The following PKD2 variants were observed in gnomAD, a reference collection of about 807,000 sequenced individuals.
The protein encoded by PKD2 is polycystin-2.
PKD2 carries 48 observed loss-of-function variants against 105.9 expected under a neutral mutation model. The ratio of observed to expected loss-of-function variants is 0.45; its 90% CI spans 0.36 to 0.58. The LOEUF is 0.58. Ranked by LOEUF, PKD2 falls within the 20% of genes least tolerant of loss-of-function variation. The pLI is 0.00. For missense variants in PKD2, 1,078 were observed against 1,255.3 expected (o/e 0.86, Z 2.13); for synonymous variants, 464 against 481.1 (o/e 0.96, Z 0.46).
intron 13 of PKD2, among the ~76,000 whole-genome samples, chr4:88,073,418 C>T (rs1438325308): frequency 4.0e-5 from 6 of 151,668 alleles, no homozygotes; most frequent in Non-Finnish European, 8.8e-5. Flanking sequence ...CCCAGCTACT[C>T]GGGAGGCTGA....
At chr4:88,070,623 G>GAGAGAA (rs1355205736) in intron 13 of PKD2, among the ~76,000 whole-genome samples, 4 of 146,108 alleles carry the variant, frequency 2.7e-5, no homozygotes, top group Non-Finnish European at 6.0e-5. Context: ...GAGAGAGAGA[G>GAGAGAA]AGAGAAAGAG....
intron 6 of PKD2, among the ~76,000 whole-genome samples, chr4:88,051,745 C>A (rs1578138971): frequency 6.6e-6 from 1 of 152,196 alleles, no homozygotes; most frequent in South Asian, 2.1e-4. Context: ...CACACACATG[C>A]ATGCATGCCT....
intron 13 of PKD2, among the ~76,000 whole-genome samples, chr4:88,068,637 A>C (rs1462764635): frequency 6.6e-6 from 1 of 152,168 alleles, no homozygotes; most frequent in Non-Finnish European, 1.5e-5. Context: ...TGTGTTTATC[A>C]ATGTTTCTAT....
At chr4:88,043,536 C>G (rs1727658442) in intron 5 of PKD2, 79 bp downstream of exon 5, 2 of 1,063,844 alleles carry the variant, frequency 1.9e-6, no homozygotes, top group South Asian at 2.6e-5. Context: ...CCAGAAAAAC[C>G]TTTGCCTGCA....
At chr4:88,030,522 A>G (rs578128963) in intron 2 of PKD2, among the ~76,000 whole-genome samples, 6 of 152,356 alleles carry the variant, frequency 3.9e-5, no homozygotes, top group Admixed American at 3.3e-4. Flanking sequence ...GCCATTCCCT[A>G]TAAATATCTG....
chr4:88,017,748 A>G lies in PKD2; in HGVS notation c.596-1710A>G, dbSNP rs113727790. Among the ~76,000 whole-genome samples, 897 of 152,234 alleles carry G rather than the reference A, an allele frequency of 5.9e-3. 7 individuals carry two copies. Among genetic ancestry groups the G allele is most frequent in the African/African-American group, 0.02 (833 of 41,536 alleles). On this transcript the variant is annotated intron_variant, in intron 1 of 14. Transcript: ENST00000237596. ...ATTTGATAGGAGTTTGTTTTTTTCT[A>G]TTTATAGGCCAAGCAATACCACGTA...
intron 2 of PKD2, among the ~76,000 whole-genome samples, chr4:88,032,437 G>A (rs547695781): frequency 1.1e-4 from 16 of 152,294 alleles, no homozygotes; most frequent in Non-Finnish European, 1.9e-4. Context: ...GCCGAGGTGG[G>A]CAGATCGTTT....
At chr4:88,044,942 T>C (rs929835886) in intron 5 of PKD2, among the ~76,000 whole-genome samples, 5 of 152,192 alleles carry the variant, frequency 3.3e-5, no homozygotes, top group African/African-American at 9.7e-5. Context: ...GTAGTAGTTA[T>C]CACTAGAAAT....
At chr4:88,049,652 T>G (rs1271220344) in intron 6 of PKD2, among the ~76,000 whole-genome samples, 1 of 152,208 alleles carries the variant, frequency 6.6e-6, no homozygotes, top group African/African-American at 2.4e-5. Context: ...TGTGCTCCAC[T>G]GGACCTTCAA....
At chr4:88,039,985 AT>A (rs1727496788) in intron 4 of PKD2, among the ~76,000 whole-genome samples, 1 of 152,112 alleles carries the variant, frequency 6.6e-6, no homozygotes, top group Admixed American at 6.6e-5. Context: ...CCTTTCCAAT[AT>A]TTTATTTATC....
At chr4:88,060,454 A>T (rs1720528475) in intron 9 of PKD2, among the ~76,000 whole-genome samples, 1 of 151,210 alleles carries the variant, frequency 6.6e-6, no homozygotes, top group Admixed American at 6.6e-5. Flanking sequence ...ATATATATAT[A>T]TATCATATAT....
chr4:88,041,544 T>C (rs1727564884), intron 4 of PKD2, among the ~76,000 whole-genome samples: 1 of 152,258 alleles, frequency 6.6e-6, no homozygotes, highest in South Asian at 2.1e-4. Flanking sequence ...TGAGGTCACA[T>C]AGGATGTGCT....
chr4:88,042,417 C>T lies in PKD2; in HGVS notation c.1095-816C>T, dbSNP rs1727600676. 3.9e-5 allele frequency among the ~76,000 whole-genome samples: 6 copies of T among 152,328 alleles called. No homozygotes were observed. The South Asian group carries it at 1.2e-3, about 32-fold the overall frequency. On this transcript the variant is annotated intron_variant, in intron 4 of 14. Transcript: ENST00000237596. ...GATTCAATTACCTCCTACCGGGTTT[C>T]TCCAACAAAACATGGGAATTGTGGG...
intron 2 of PKD2, among the ~76,000 whole-genome samples, chr4:88,027,599 G>T (rs1727001651): frequency 6.6e-6 from 1 of 152,184 alleles, no homozygotes; most frequent in Non-Finnish European, 1.5e-5. Context: ...TGTTGGGAAG[G>T]CGTATTTGGT....
At chr4:88,061,674 G>A (rs545897204) in intron 9 of PKD2, among the ~76,000 whole-genome samples, 12 of 152,026 alleles carry the variant, frequency 7.9e-5, no homozygotes, top group South Asian at 2.1e-4. Context: ...GGAGGCAGAG[G>A]TTGCAGTAAG....
intron 9 of PKD2, among the ~76,000 whole-genome samples, chr4:88,060,536 A>G (rs1036802299): frequency 6.6e-6 from 1 of 151,902 alleles, no homozygotes; most frequent in African/African-American, 2.4e-5. Context: ...TACTGCCAGT[A>G]CTGGGGTAAG....
intron 2 of PKD2, among the ~76,000 whole-genome samples, chr4:88,023,943 T>C (rs1450544985): frequency 1.3e-5 from 2 of 152,184 alleles, no homozygotes; most frequent in Admixed American, 1.3e-4. Context: ...TTAAAATCAG[T>C]CTACTTAACC....
chr4:88,057,068 C>T (rs1720375266), intron 8 of PKD2, among the ~76,000 whole-genome samples: 1 of 152,070 alleles, frequency 6.6e-6, no homozygotes, highest in Non-Finnish European at 1.5e-5. Context: ...TAGCTCACTG[C>T]AGCCTTGAAC....
In PKD2 at chr4:88,070,597, T is replaced by TAGAGAGAG. The variant is rs1359028384; in HGVS notation, c.2522+2537_2522+2538insGAGAGAGA. On this transcript the variant is annotated intron_variant, in intron 13 of 14. Transcript: ENST00000237596. The stretch of plus-strand genomic sequence containing the variant: ...TTTTATATATATATATATATATATA[T>TAGAGAGAG]ATATAGAGAGAGAGAGAGAGAGAGA... 3.1e-3 allele frequency among the ~76,000 whole-genome samples: 311 copies of TAGAGAGAG among 99,094 alleles called. 1 individual carries two copies. Among genetic ancestry groups the TAGAGAGAG allele is most frequent in the African/African-American group, 3.7e-3 (97 of 26,334 alleles). The allele number at this position is 99,094 out of a possible 152,430, so 65.0% of individuals were successfully genotyped here.
Sources: gnomAD v4.1 joint callset for allele counts (sites outside exome capture counted in the v4.1 genomes callset) on GRCh38, gnomAD v4.1.1 for gene constraint, MANE v1.5 for transcripts, NCBI Gene and HGNC (gene_info 2026-07-23, HGNC 2026-07-21) for gene names.